CT47C1: variants seen among roughly 807,000 people sequenced by gnomAD.
The protein encoded by CT47C1 is cancer/testis antigen family 47 member C1.
At chrX:119,073,792 C>A in the CT47C1 span, 1 of 858,680 alleles carries the variant, frequency 1.2e-6, no homozygotes, top group Non-Finnish European at 1.7e-6. Flanking sequence ...AGGGCGAGGG[C>A]CTGGGCCTGC....
the CT47C1 span, among the ~76,000 whole-genome samples, chrX:119,074,525 A>C: frequency 4.2e-4 from 47 of 111,321 alleles, no homozygotes; most frequent in African/African-American, 1.2e-3. Context: ...CAAATGATGA[A>C]GTGATACAGG....
At chrX:119,073,688 A>C in the CT47C1 span, 1 of 639,981 alleles carries the variant, frequency 1.6e-6, no homozygotes. Context: ...CGGCCGCCTG[A>C]TGCGGAGGCG....
chrX:119,076,009 G>A, the CT47C1 span, among the ~76,000 whole-genome samples: 2 of 112,505 alleles, frequency 1.8e-5, no homozygotes, highest in East Asian at 5.6e-4. Context: ...AAGCTTGCGA[G>A]TTACAAAAGG....
chrX:119,075,275 G>A, the CT47C1 span, among the ~76,000 whole-genome samples: 6 of 112,483 alleles, frequency 5.3e-5, no homozygotes, highest in South Asian at 7.4e-4. Flanking sequence ...ATTCATGTAC[G>A]TAGTAATATG....
the CT47C1 span, among the ~76,000 whole-genome samples, chrX:119,075,731 C>CT: frequency 4.4e-3 from 382 of 87,046 alleles, 3 homozygotes; most frequent in Middle Eastern, 0.012. Context: ...TTTCTTTTTT[C>CT]TTTTTTTTTT....
At chrX:119,073,501 T>A in the CT47C1 span, 1 of 509,692 alleles carries the variant, frequency 2.0e-6, no homozygotes, top group Non-Finnish European at 3.5e-6. Flanking sequence ...AGGAGGAGGA[T>A]GAGGAGGAGG....
At chrX:119,073,930 C>T in the CT47C1 span, 15 of 807,145 alleles carry the variant, frequency 1.9e-5, no homozygotes, top group Middle Eastern at 3.9e-4. Flanking sequence ...CAGAAGAGCC[C>T]GCAGAGGAGG....
chrX:119,076,006 C>T, the CT47C1 span, among the ~76,000 whole-genome samples: 4 of 112,291 alleles, frequency 3.6e-5, no homozygotes, highest in Non-Finnish European at 5.6e-5. Flanking sequence ...TCCAAGCTTG[C>T]GAGTTACAAA....
the CT47C1 span, chrX:119,073,496 G>T: frequency 1.9e-6 from 1 of 513,715 alleles, no homozygotes; most frequent in South Asian, 2.5e-5. Context: ...GGAGGAGGAG[G>T]AGGATGAGGA....
the CT47C1 span, chrX:119,073,238 G>A: frequency 2.1e-6 from 1 of 481,955 alleles, no homozygotes; most frequent in Non-Finnish European, 3.6e-6. Context: ...GTCTGCCACA[G>A]GGGATCAAGA....
At chrX:119,075,911 A>G in the CT47C1 span, among the ~76,000 whole-genome samples, 1 of 111,897 alleles carries the variant, frequency 8.9e-6, no homozygotes, top group Non-Finnish European at 1.9e-5. Context: ...TGTAAAAACA[A>G]CAACAAGAAG....
chrX:119,073,424 G>A, the CT47C1 span: 17 of 518,631 alleles, frequency 3.3e-5, no homozygotes, highest in Admixed American at 2.6e-4. Flanking sequence ...AGGCTTGGCC[G>A]CAGCCCCCGG....
At chrX:119,073,025 C>T in the CT47C1 span, among the ~76,000 whole-genome samples, 2 of 112,229 alleles carry the variant, frequency 1.8e-5, no homozygotes, top group South Asian at 7.6e-4. Context: ...GCGGGAGGCT[C>T]CTGGGATCGG....
chrX:119,075,170 A>C, the CT47C1 span: 3 of 1,022,080 alleles, frequency 2.9e-6, no homozygotes, highest in African/African-American at 5.7e-5. Context: ...CCTGTTGCTG[A>C]CAGTTTTATT....
the CT47C1 span, chrX:119,074,813 G>A: frequency 1.3e-6 from 1 of 741,496 alleles, no homozygotes; most frequent in South Asian, 2.8e-5. Flanking sequence ...AAAACCAGTA[G>A]GAAGGTGCCC....
At chrX:119,075,059 T>C in the CT47C1 span, 2 of 1,088,484 alleles carry the variant, frequency 1.8e-6, no homozygotes, top group Non-Finnish European at 2.5e-6. Flanking sequence ...GAAAACAAGG[T>C]GAAGAACTCC....
chrX:119,073,967 G>A, the CT47C1 span: 6 of 749,044 alleles, frequency 8.0e-6, no homozygotes, highest in East Asian at 9.5e-5. Context: ...AGAGGAGGCC[G>A]CAGAGGAGGA....
the CT47C1 span, chrX:119,073,566 C>A: frequency 3.8e-6 from 2 of 524,880 alleles, no homozygotes; most frequent in Non-Finnish European, 6.9e-6. Context: ...GACTTGGTCG[C>A]GGCCGCCCGT....
the CT47C1 span, chrX:119,073,888 G>A: frequency 1.2e-6 from 1 of 850,897 alleles, no homozygotes; most frequent in African/African-American, 2.2e-5. Flanking sequence ...AGCCCGCAGA[G>A]GAGGCCTCAG....
Sources: gnomAD v4.1 joint callset for allele counts (sites outside exome capture counted in the v4.1 genomes callset) on GRCh38, gnomAD v4.1.1 for gene constraint, MANE v1.5 for transcripts, NCBI Gene and HGNC (gene_info 2026-07-23, HGNC 2026-07-21) for gene names.